Variants in SKAP1 observed in about 807,000 individuals in gnomAD.
The protein encoded by SKAP1 is src kinase associated phosphoprotein 1, also known as src kinase-associated phosphoprotein 1.
Under a neutral mutation model 58.5 loss-of-function variants are expected in SKAP1, and 44 were observed. That is an observed-to-expected ratio of 0.75 (90% CI 0.59 to 0.97). The LOEUF (loss-of-function observed/expected upper bound fraction) is 0.97. Ranked by LOEUF, SKAP1 falls within the 50% of genes least tolerant of loss-of-function variation. The pLI, the probability that SKAP1 is intolerant of heterozygous loss-of-function variation, is 0.00. For missense variants in SKAP1, 390 were observed against 435.2 expected (o/e 0.90, Z 0.92); for synonymous variants, 127 against 149.7 (o/e 0.85, Z 1.11).
At chr17:48,400,101 C>CTT (rs34859955) in intron 1 of SKAP1, among the ~76,000 whole-genome samples, 8 of 138,148 alleles carry the variant, frequency 5.8e-5, no homozygotes, top group East Asian at 2.1e-4. Flanking sequence ...TTTTTCTTTT[C>CTT]TTTTTTTTTT....
chr17:48,271,362 C>CTTTTTTTTTTTTTTT (rs35447830), intron 4 of SKAP1, among the ~76,000 whole-genome samples: 124 of 106,226 alleles, frequency 1.2e-3, no homozygotes, highest in Non-Finnish European at 1.5e-3. Flanking sequence ...TTCTTTGTTT[C>CTTTTTTTTTTTTTTT]TTTTTTTTTT....
intron 4 of SKAP1, among the ~76,000 whole-genome samples, chr17:48,297,216 C>T (rs1198935889): frequency 1.3e-5 from 2 of 152,032 alleles, no homozygotes; most frequent in Admixed American, 1.3e-4. Flanking sequence ...CTCTCTAATC[C>T]CTGGTTAACA....
At chr17:48,251,831 C>A (rs2065367617) in intron 4 of SKAP1, among the ~76,000 whole-genome samples, 1 of 152,102 alleles carries the variant, frequency 6.6e-6, no homozygotes, top group Non-Finnish European at 1.5e-5. Flanking sequence ...AAAAATCAGG[C>A]ATGGAGAAGT....
intron 3 of SKAP1, among the ~76,000 whole-genome samples, chr17:48,354,260 A>C (rs1015653240): frequency 6.6e-6 from 1 of 152,208 alleles, no homozygotes; most frequent in Non-Finnish European, 1.5e-5. Flanking sequence ...CACATATTTG[A>C]CAACATGTAT....
intron 4 of SKAP1, among the ~76,000 whole-genome samples, chr17:48,281,496 T>G (rs1462476459): frequency 6.6e-6 from 1 of 152,262 alleles, no homozygotes; most frequent in African/African-American, 2.4e-5. Flanking sequence ...TCATTTAGGC[T>G]GGCAGGCAGA....
chr17:48,155,160 C>T (rs536665371), intron 11 of SKAP1, among the ~76,000 whole-genome samples: 17 of 151,784 alleles, frequency 1.1e-4, no homozygotes, highest in African/African-American at 4.1e-4. Flanking sequence ...TGGAGTCTCG[C>T]TCTGTCATCC....
intron 1 of SKAP1, among the ~76,000 whole-genome samples, chr17:48,421,069 A>G (rs1210543403): frequency 6.6e-6 from 1 of 152,092 alleles, no homozygotes; most frequent in Non-Finnish European, 1.5e-5. Flanking sequence ...TTTGAGAATC[A>G]CCCTGATCCT....
At position 48,187,908 on chromosome 17, in the gene SKAP1, G is replaced by A. The variant is rs368601769; in HGVS notation, c.377C>T (p.Ser126Leu). 103 of 1,613,562 alleles carry A rather than the reference G, an allele frequency of 6.4e-5. No individual in the cohort carries two copies. Among genetic ancestry groups the A allele is most frequent in the Non-Finnish European group, 8.6e-5 (101 of 1,179,694 alleles). ...AACACACCATCGCTTCTGCCACTCC[G>A]ATCCAAAGAAACTATGATCTAAACA... ...KKSKDHSFFGSEWQKRWCVVS... is the reference protein window; with the variant it reads ...KKSKDHSFFGLEWQKRWCVVS... Residue 126 changes from serine (S) to leucine (L), a missense_variant, in exon 6 of 13, where the codon TCG (serine) becomes TTG (leucine). Ser to Leu is a moderately radical substitution (Grantham distance 145). Transcript: ENST00000336915.
chr17:48,247,271 A>G (rs1050065934), intron 4 of SKAP1, among the ~76,000 whole-genome samples: 48 of 152,342 alleles, frequency 3.2e-4, no homozygotes, highest in African/African-American at 1.1e-3. Flanking sequence ...TATACAGCAC[A>G]ACTAGACATC....
At chr17:48,358,127 A>G (rs1006891937) in intron 3 of SKAP1, among the ~76,000 whole-genome samples, 1 of 151,804 alleles carries the variant, frequency 6.6e-6, no homozygotes, top group African/African-American at 2.4e-5. Context: ...AGTGGTGGAA[A>G]GATACTTAAC....
rs1169509680 is a variant in SKAP1, at chr17:48,288,560, C to A, written c.280+57345G>T. 3.9e-5 allele frequency among the ~76,000 whole-genome samples: 6 copies of A among 152,008 alleles called. No homozygotes were observed. The East Asian group carries it at 1.2e-3, about 29-fold the overall frequency. On this transcript the variant is annotated intron_variant, in intron 4 of 12. Coordinates refer to ENST00000336915, the MANE Select transcript of SKAP1 (RefSeq NM_003726.4). ...AATTAGCCGGGTATGGTGGCGTGCA[C>A]CTGTAGTCCCAGCTACTCGGGAGGC...
chr17:48,371,519 T>C (rs1227627241), intron 2 of SKAP1, among the ~76,000 whole-genome samples: 1 of 151,670 alleles, frequency 6.6e-6, no homozygotes, highest in South Asian at 2.1e-4. Context: ...GCTATCCTCA[T>C]ATTATTAGAA....
At chr17:48,430,247 G>C, upstream of SKAP1, 20 of 467,394 alleles carry the variant, frequency 4.3e-5, no homozygotes, top group East Asian at 6.8e-5. Flanking sequence ...GCCCAGCCCG[G>C]CCGCGGGGCG....
intron 11 of SKAP1, among the ~76,000 whole-genome samples, chr17:48,160,866 G>A (rs966095919): frequency 4.6e-5 from 7 of 152,114 alleles, no homozygotes; most frequent in Non-Finnish European, 1.5e-5. Context: ...TCTATTACAC[G>A]GCAAACCTTG....
At chr17:48,184,413 G>A (rs5016303) in intron 7 of SKAP1, among the ~76,000 whole-genome samples, 126,424 of 152,122 alleles carry the variant, frequency 0.83, 52,601 homozygotes, top group East Asian at 0.95. Flanking sequence ...CCATAAAATC[G>A]GAGACTATAA....
chr17:48,205,506 A>G (rs905120071), intron 4 of SKAP1, among the ~76,000 whole-genome samples: 2 of 152,230 alleles, frequency 1.3e-5, no homozygotes, highest in Non-Finnish European at 2.9e-5. Context: ...ACATTATCAA[A>G]GAAATAATAA....
chr17:48,366,047 G>C (rs1159075824), intron 2 of SKAP1, among the ~76,000 whole-genome samples: 1 of 151,992 alleles, frequency 6.6e-6, no homozygotes, highest in African/African-American at 2.4e-5. Context: ...CAGTTTAAAG[G>C]GTCCATAAAC....
intron 4 of SKAP1, among the ~76,000 whole-genome samples, chr17:48,322,767 T>C (rs182380644): frequency 3.4e-4 from 52 of 152,320 alleles, no homozygotes; most frequent in African/African-American, 1.2e-3. Context: ...GCTGGGCACA[T>C]AGCCCCTGTG....
At chr17:48,303,541 C>G (rs959524244) in intron 4 of SKAP1, among the ~76,000 whole-genome samples, 1 of 152,178 alleles carries the variant, frequency 6.6e-6, no homozygotes, top group African/African-American at 2.4e-5. Flanking sequence ...AGTGAGTATG[C>G]TAAGACCATA....
Sources: gnomAD v4.1 joint callset for allele counts (sites outside exome capture counted in the v4.1 genomes callset) on GRCh38, gnomAD v4.1.1 for gene constraint, MANE v1.5 for transcripts, NCBI Gene and HGNC (gene_info 2026-07-23, HGNC 2026-07-21) for gene names.